AGBL1: variants seen among roughly 807,000 people sequenced by gnomAD.
The protein encoded by AGBL1 is AGBL carboxypeptidase 1, also known as cytosolic carboxypeptidase 4.
A neutral mutation model predicts 118.9 loss-of-function variants in AGBL1; 130 were observed. The ratio of observed to expected loss-of-function variants is 1.09; its 90% CI spans 0.95 to 1.26. The LOEUF is 1.26. Ranked by LOEUF, AGBL1 falls within the 50% of genes most tolerant of loss-of-function variation. The pLI is 0.00. For missense variants in AGBL1, 1,584 were observed against 1,298.1 expected, an observed-to-expected ratio of 1.22 and a Z score of -3.38; for synonymous variants, 555 against 478.9, an observed-to-expected ratio of 1.16 and a Z score of -2.08.
intron 17 of AGBL1, among the ~76,000 whole-genome samples, chr15:86,375,729 T>C (rs1009123128): frequency 6.6e-6 from 1 of 152,192 alleles, no homozygotes; most frequent in Non-Finnish European, 1.5e-5. Context: ...TAGCTGGCCC[T>C]AAAAATCTGT....
chr15:86,286,735 G>GTATATATATATATATATATATATATA (rs535707426), intron 16 of AGBL1, among the ~76,000 whole-genome samples: 3 of 106,292 alleles, frequency 2.8e-5, no homozygotes, highest in South Asian at 5.3e-4. Context: ...GTTTGTGTGT[G>GTATATATATATATATATATATATATA]TATATATATA....
intron 18 of AGBL1, among the ~76,000 whole-genome samples, chr15:86,414,726 C>G (rs1020937394): frequency 1.3e-5 from 2 of 152,084 alleles, no homozygotes; most frequent in East Asian, 1.9e-4. Flanking sequence ...TGAAGTACAC[C>G]TAAACTATCT....
At chr15:86,116,679 A>G (rs1897779504) in intron 1 of AGBL1, 2 of 152,258 alleles carry the variant, frequency 1.3e-5, no homozygotes, top group Non-Finnish European at 1.5e-5. Context: ...CAAGCAGAGC[A>G]ACCCCTACCC....
At chr15:86,777,955 T>C (rs923483731) in intron 22 of AGBL1, among the ~76,000 whole-genome samples, 1 of 152,132 alleles carries the variant, frequency 6.6e-6, no homozygotes, top group Non-Finnish European at 1.5e-5. Flanking sequence ...CAGCCAGATA[T>C]CGGGCGAAGT....
intron 24 of AGBL1, among the ~76,000 whole-genome samples, chr15:86,998,499 A>G (rs990606275): frequency 4.0e-4 from 61 of 152,312 alleles, no homozygotes; most frequent in African/African-American, 1.4e-3. Flanking sequence ...CCTGGCTGAT[A>G]CCTCAATTGT....
chr15:86,225,024 T>G (rs1312306062), intron 6 of AGBL1, 73 bp downstream of exon 6: 2 of 1,421,708 alleles, frequency 1.4e-6, no homozygotes, highest in East Asian at 4.6e-5. Context: ...CTGGTCCCCA[T>G]GGCTGTTTCT....
At chr15:86,782,569 G>A (rs954693725) in intron 22 of AGBL1, among the ~76,000 whole-genome samples, 3 of 152,092 alleles carry the variant, frequency 2.0e-5, no homozygotes, top group Non-Finnish European at 4.4e-5. Flanking sequence ...TGAGACTGGT[G>A]GTTAGACACA....
At chr15:86,477,393 A>C (rs1456977101) in intron 18 of AGBL1, among the ~76,000 whole-genome samples, 1 of 152,216 alleles carries the variant, frequency 6.6e-6, no homozygotes, top group African/African-American at 2.4e-5. Flanking sequence ...AAAATGATAA[A>C]GGGGATATCA....
At chr15:86,757,084 G>A (rs2077952952) in intron 22 of AGBL1, among the ~76,000 whole-genome samples, 1 of 151,914 alleles carries the variant, frequency 6.6e-6, no homozygotes, top group East Asian at 1.9e-4. Context: ...ACTAAAAACA[G>A]TATACGATTT....
intron 21 of AGBL1, among the ~76,000 whole-genome samples, chr15:86,638,962 C>G (rs577920800): frequency 6.6e-6 from 1 of 152,042 alleles, no homozygotes; most frequent in Non-Finnish European, 1.5e-5. Context: ...TGCTGGTAGA[C>G]GGGATTCAGT....
intron 18 of AGBL1, among the ~76,000 whole-genome samples, chr15:86,482,424 T>A (rs912196223): frequency 1.3e-5 from 2 of 152,190 alleles, no homozygotes; most frequent in Admixed American, 6.6e-5. Flanking sequence ...GTGCCATAAA[T>A]GTCTAATCTT....
At chr15:86,110,367 A>C (rs564342345) in intron 1 of AGBL1, among the ~76,000 whole-genome samples, 78 of 152,360 alleles carry the variant, frequency 5.1e-4, no homozygotes, top group Non-Finnish European at 7.2e-4. Context: ...TGTATCGTAT[A>C]GTGTATTCTT....
At chr15:86,541,841 G>A (rs1273470479) in intron 19 of AGBL1, among the ~76,000 whole-genome samples, 1 of 152,010 alleles carries the variant, frequency 6.6e-6, no homozygotes, top group African/African-American at 2.4e-5. Context: ...CTCCTAACTA[G>A]AATCAAATAT....
chr15:86,258,136 G>A (rs2078926611), intron 9 of AGBL1, 105 bp downstream of exon 9: 3 of 1,164,888 alleles, frequency 2.6e-6, no homozygotes, highest in Non-Finnish European at 3.7e-6. Flanking sequence ...TTTAAGAACT[G>A]ACTTTAGTAC....
At chr15:86,516,790 T>C (rs2083126731) in intron 18 of AGBL1, among the ~76,000 whole-genome samples, 1 of 95,258 alleles carries the variant, frequency 1.0e-5, no homozygotes, top group African/African-American at 3.8e-5. Flanking sequence ...TGAAACTCCA[T>C]CTCAAAAAAA....
intron 18 of AGBL1, among the ~76,000 whole-genome samples, chr15:86,444,141 G>A (rs142148680): frequency 7.9e-5 from 12 of 152,204 alleles, no homozygotes; most frequent in African/African-American, 1.4e-4. Flanking sequence ...TTTGATAATA[G>A]CCATTCTAAC....
At chr15:86,259,013 G>A (rs4381567) in intron 9 of AGBL1, among the ~76,000 whole-genome samples, 110,805 of 152,182 alleles carry the variant, frequency 0.73, 41,349 homozygotes, top group African/African-American at 0.88. Context: ...CCTCCAAGCA[G>A]TCTTTGTTTA....
chr15:86,257,134 A>G (rs914928416), intron 8 of AGBL1, 116 bp downstream of exon 8: 4 of 1,110,580 alleles, frequency 3.6e-6, no homozygotes, highest in South Asian at 3.3e-5. Context: ...ATAATTGTCT[A>G]TTAAGCTAAT....
At chr15:86,172,588 A>G (rs1301857279) in intron 5 of AGBL1, among the ~76,000 whole-genome samples, 2 of 152,158 alleles carry the variant, frequency 1.3e-5, no homozygotes, top group Non-Finnish European at 2.9e-5. Context: ...TGTGACTGAG[A>G]AAAATGTGAG....
Sources: allele counts gnomAD v4.1 joint callset (sites outside exome capture counted in the v4.1 genomes callset), GRCh38; gene constraint gnomAD v4.1.1; transcripts MANE v1.5; gene names NCBI Gene and HGNC (gene_info 2026-07-23, HGNC 2026-07-21).